Variants in PSG4 observed in about 807,000 individuals in gnomAD.
PSG4 encodes the protein pregnancy specific beta-1-glycoprotein 4.
A neutral mutation model predicts 44.3 loss-of-function variants in PSG4; 61 were observed. That is an observed-to-expected ratio of 1.38 (90% CI 1.12 to 1.70). The LOEUF is 1.70. PSG4 is among the 40% of genes most tolerant of loss of function. The pLI is 0.00. For missense variants in PSG4, 677 were observed against 511.7 expected, an observed-to-expected ratio of 1.32 and a Z score of -3.12; for synonymous variants, 248 against 191.3, an observed-to-expected ratio of 1.30 and a Z score of -2.45.
In PSG4 at chr19:43,194,294, G is replaced by C. The variant is rs188371759; in HGVS notation, c.1243+46C>G. 3.1e-6 allele frequency: 5 copies of C among 1,611,486 alleles called. 1 individual carries two copies. The highest frequency in any genetic ancestry group is 1.3e-5 in the African/African-American group (1 of 74,618). ...CTCACTCTTCCCTGAATGCCAGATA[G>C]ACTCCACCTAAATCCCTATTGCCAA... On this transcript the variant is annotated intron_variant, in intron 5 of 5. Transcript: ENST00000405312.
chr19:43,204,447 AC>A, intron 1 of PSG4, 196 bp from the exon 2 acceptor site: 1 of 791,038 alleles, frequency 1.3e-6, no homozygotes, highest in Non-Finnish European at 1.8e-6. Flanking sequence ...CAGCAGCATG[AC>A]CCCCATTCCT....
chr19:43,199,564 T>G (rs1967413508), intron 2 of PSG4, among the ~76,000 whole-genome samples: 1 of 145,644 alleles, frequency 6.9e-6, no homozygotes, highest in Admixed American at 6.8e-5. Flanking sequence ...AGTGAGCACT[T>G]CTTTTTAGCA....
chr19:43,196,451 C>T (rs1164655085), intron 3 of PSG4: 1 of 151,466 alleles, frequency 6.6e-6, no homozygotes, highest in East Asian at 1.9e-4. Context: ...AGACTTAGAA[C>T]AAAAAGTGTT....
rs1242742018 is a variant in PSG4, at chr19:43,195,173, G to A, written c.810C>T (p.Thr270=). 1.2e-6 allele frequency: 2 copies of A among 1,610,208 alleles called. No homozygotes were observed. Among genetic ancestry groups the A allele is most frequent in the South Asian group, 1.1e-5 (1 of 90,946 alleles). ...TCTGACCATTTAGCCACCAAATGTA[G>A]GTGTAGTTCTTACTCTTAGGTTCAC... is the stretch of plus-strand genomic sequence containing the variant. ...FTCEPKSKNY[T]YIWWLNGQSL... Residue 270 remains threonine, a synonymous_variant, in exon 4 of 6, where the codon ACC becomes ACT. Transcript: ENST00000405312.
intron 3 of PSG4, among the ~76,000 whole-genome samples, chr19:43,197,091 G>C (rs1259382123): frequency 6.9e-6 from 1 of 145,732 alleles, no homozygotes; most frequent in Non-Finnish European, 1.5e-5. Context: ...TATTCCTTTT[G>C]ATGTTAATGT....
At chr19:43,201,742 T>C (rs569687871) in intron 2 of PSG4, among the ~76,000 whole-genome samples, 2 of 145,656 alleles carry the variant, frequency 1.4e-5, no homozygotes, top group South Asian at 4.3e-4. Flanking sequence ...TGAGTACTAA[T>C]CAACCTCCAG....
Position 43,202,410 on chromosome 19 carries a change from C to T in PSG4, c.430+1476G>A, listed in dbSNP as rs1195236946. Among the ~76,000 whole-genome samples, 2 of 144,548 alleles carry T rather than the reference C, an allele frequency of 1.4e-5. 1 individual carries two copies. Among genetic ancestry groups the T allele is most frequent in the African/African-American group, 5.4e-5 (2 of 37,342 alleles). 94.8% of individuals were successfully genotyped at this position (144,548 alleles called of 152,430 possible). ...GGCAAGAGGTAGTGGGGGGATGAAA[C>T]GTGGGTGTCAGCCTCTGAAGGACAA... On this transcript the variant is annotated intron_variant, in intron 2 of 5. Coordinates refer to ENST00000405312, the MANE Select transcript of PSG4 (RefSeq NM_002780.5).
intron 2 of PSG4, among the ~76,000 whole-genome samples, chr19:43,201,181 G>C (rs138542199): frequency 6.9e-6 from 1 of 145,682 alleles, no homozygotes; most frequent in Non-Finnish European, 1.5e-5. Flanking sequence ...GTCCTCACTC[G>C]TTCCTGGGCA....
At chr19:43,196,139 G>C (rs1225146011) in intron 3 of PSG4, among the ~76,000 whole-genome samples, 1 of 151,720 alleles carries the variant, frequency 6.6e-6, no homozygotes, top group Non-Finnish European at 1.5e-5. Flanking sequence ...CTGGAAATCT[G>C]GTCCTCATGG....
chr19:43,194,238 T>C (rs528517671), intron 5 of PSG4, 102 bp downstream of exon 5: 1 of 1,598,170 alleles, frequency 6.3e-7, no homozygotes, highest in African/African-American at 1.4e-5. Context: ...CTTGTGCCCA[T>C]GGGACACAGG....
rs1200766159 is a variant in PSG4, at chr19:43,202,455, C to A, written c.430+1431G>T. Among the ~76,000 whole-genome samples the A allele has an allele frequency of 1.4e-4, 20 of 144,704 alleles. 3 individuals carry two copies. The highest frequency in any genetic ancestry group is 2.9e-4 in the African/African-American group (11 of 37,492). 94.9% of individuals were successfully genotyped at this position (144,704 alleles called of 152,430 possible). ...GGACAAGGGACAGGTGTGGCTAGAA[C>A]CTCCTATGATTCTGCATCCAACATC... On this transcript the variant is annotated intron_variant, in intron 2 of 5. Coordinates refer to ENST00000405312, the MANE Select transcript of PSG4 (RefSeq NM_002780.5).
chr19:43,194,299 C>T (rs767561521), intron 5 of PSG4, 41 bp downstream of exon 5: 6 of 1,611,616 alleles, frequency 3.7e-6, no homozygotes, highest in Middle Eastern at 1.7e-4. Flanking sequence ...AGATAGACTC[C>T]ACCTAAATCC....
Position 43,204,147 on chromosome 19 carries a change from T to C in PSG4, c.169A>G (p.Asn57Asp). The stretch of plus-strand genomic sequence containing the variant: ...TAGCCAGCAAGATTCTGGGGCAAAT[T>C]GTGGACAAGTAGAAGAACATCCTTC... Reference protein sequence around the residue: ...EGKDVLLLVHNLPQNLAGYIW... With the variant: ...EGKDVLLLVHDLPQNLAGYIW... The change falls in exon 2 of 6, where the codon AAT becomes GAT. Residue 57 changes from asparagine (N) to aspartate (D), a missense_variant. Coordinates refer to ENST00000405312, the MANE Select transcript of PSG4 (RefSeq NM_002780.5). 6.3e-7 allele frequency: 1 copy of C among 1,587,178 alleles called. No homozygotes were observed. Among genetic ancestry groups the C allele is most frequent in the East Asian group, 2.7e-5 (1 of 37,522 alleles).
At position 43,201,330 on chromosome 19, in the gene PSG4, A is replaced by T; in HGVS notation, c.430+2556T>A. 1.4e-5 allele frequency among the ~76,000 whole-genome samples: 2 copies of T among 145,788 alleles called. 1 individual carries two copies. Among genetic ancestry groups the T allele is most frequent in the African/African-American group, 5.2e-5 (2 of 38,106 alleles). On this transcript the variant is annotated intron_variant, in intron 2 of 5. Coordinates refer to ENST00000405312, the MANE Select transcript of PSG4 (RefSeq NM_002780.5). ...CAAACTAGTGAAAGACCATGAGATT[A>T]AGATTATAGGAGGGAACCGAATTCT...
intron 1 of PSG4, chr19:43,204,463 C>G: frequency 1.4e-6 from 1 of 709,328 alleles, no homozygotes; most frequent in Non-Finnish European, 2.1e-6. Flanking sequence ...ATTCCTTCAA[C>G]ACTTCTGACC....
At chr19:43,200,552 C>T (rs1967460448) in intron 2 of PSG4, among the ~76,000 whole-genome samples, 1 of 135,782 alleles carries the variant, frequency 7.4e-6, no homozygotes, top group South Asian at 2.3e-4. Flanking sequence ...TACCAGTAAG[C>T]ATCAAAAGCA....
rs9789333 is a variant in PSG4, at chr19:43,198,190, C to T, written c.516G>A (p.Ala172=). 0.28 allele frequency: 450,165 copies of T among 1,586,520 alleles called. 100,799 individuals carry two copies. The highest frequency in any genetic ancestry group is 0.91 in the East Asian group (34,099 of 37,438). The change falls in exon 3 of 6, where the codon GCG becomes GCA. Residue 172 remains alanine (A), a synonymous_variant. Transcript: ENST00000405312. Reference sequence around the variant, plus strand: ...ACCACTGGTAGCTTGCGGCTGGAGTCGCAGGATCACAGGTTAAGATCACAG... The same window carrying T: ...ACCACTGGTAGCTTGCGGCTGGAGTTGCAGGATCACAGGTTAAGATCACAG... ...MEAVILTCDP[A]TPAASYQWWM... is the part of the protein sequence containing the mutation.
In PSG4 at chr19:43,202,241, A is replaced by G. The variant is rs143580561; in HGVS notation, c.430+1645T>C. 3.2e-3 allele frequency among the ~76,000 whole-genome samples: 458 copies of G among 145,222 alleles called. 33 individuals carry two copies. The highest frequency in any genetic ancestry group is 0.012 in the African/African-American group (441 of 37,798). On this transcript the variant is annotated intron_variant, in intron 2 of 5. Transcript: ENST00000405312. ...AGAAGAAGAGAGAGGCAGAGACACC[A>G]TGGCAGTGAGCAGTGAGGGTTACAC... is the stretch of plus-strand genomic sequence containing the variant.
In PSG4 at chr19:43,194,404, A is replaced by G; in HGVS notation, c.1179T>C (p.Ala393=). 1 of 1,612,466 alleles carries G rather than the reference A, an allele frequency of 6.2e-7. No individual in the cohort carries two copies. Among genetic ancestry groups the G allele is most frequent in the South Asian group, 1.1e-5 (1 of 91,036 alleles). Residue 393 remains alanine (A), a synonymous_variant, in exon 5 of 6, where the codon GCT becomes GCC. Coordinates refer to ENST00000405312, the MANE Select transcript of PSG4 (RefSeq NM_002780.5). ...CAGTGGCTGAGTTACGAACAGAGCAAGCATAGAGCCCACTATGCTTTGTAG... is the reference window on the plus strand; with the variant it reads ...CAGTGGCTGAGTTACGAACAGAGCAGGCATAGAGCCCACTATGCTTTGTAG... The part of the protein sequence containing the change: ...QITTKHSGLY[A]CSVRNSATGK...
Sources: allele counts gnomAD v4.1 joint callset (sites outside exome capture counted in the v4.1 genomes callset), GRCh38; gene constraint gnomAD v4.1.1; transcripts MANE v1.5; gene names NCBI Gene and HGNC (gene_info 2026-07-23, HGNC 2026-07-21).